Variants in MDFIC observed in about 807,000 individuals in gnomAD.
MDFIC encodes myoD family inhibitor domain-containing protein.
A neutral mutation model predicts 23.2 loss-of-function variants in MDFIC; 17 were observed. The ratio of observed to expected loss-of-function variants is 0.73; its 90% CI spans 0.50 to 1.10. The LOEUF (loss-of-function observed/expected upper bound fraction) is 1.10, where lower values mean the gene tolerates loss of function less well. Among genes scored for constraint, MDFIC ranks in the 50% least tolerant of loss-of-function variants. The probability of loss-of-function intolerance (pLI) is 0.00; values close to 1 mark genes in which losing one functional copy is unlikely to be tolerated. For synonymous variants in MDFIC, 120 were observed against 115.2 expected (o/e 1.04, Z -0.27); for missense variants, 356 against 316.6 (o/e 1.12, Z -0.95).
intron 3 of MDFIC, among the ~76,000 whole-genome samples, chr7:114,966,168 T>C (rs536549334): frequency 2.6e-5 from 4 of 152,278 alleles, no homozygotes; most frequent in African/African-American, 9.6e-5. Context: ...ATTTAGAAAA[T>C]AAATTTAGTT....
Position 115,017,059 on chromosome 7 carries a change from C to T in MDFIC, c.*1124C>T, listed in dbSNP as rs1419066431. On this transcript the variant is annotated 3_prime_UTR_variant, in exon 5 of 5. Coordinates refer to ENST00000393486, the MANE Select transcript of MDFIC (RefSeq NM_001166345.3). ...TCTCTTAGAATGAGTGATTCACCTG[C>T]TATTTAAATGAATTATTTAGATTTT... is the stretch of plus-strand genomic sequence containing the variant. 1.3e-5 allele frequency: 2 copies of T among 152,204 alleles called. No individual in the cohort carries two copies. Among genetic ancestry groups the T allele is most frequent in the Non-Finnish European group, 2.9e-5 (2 of 68,042 alleles). The allele number at this position is 152,204 out of a possible 1,614,324, so 9.4% of individuals were successfully genotyped here.
chr7:114,970,340 G>A (rs1243693851), intron 3 of MDFIC, among the ~76,000 whole-genome samples: 3 of 152,074 alleles, frequency 2.0e-5, no homozygotes, highest in Non-Finnish European at 4.4e-5. Flanking sequence ...GCTAGGCTGG[G>A]GATGTTTCTA....
At chr7:114,966,812 G>A (rs1323985137) in intron 3 of MDFIC, among the ~76,000 whole-genome samples, 1 of 152,160 alleles carries the variant, frequency 6.6e-6, no homozygotes, top group Non-Finnish European at 1.5e-5. Context: ...GGCCCGTAGA[G>A]CATATGTAGA....
chr7:114,942,473 G>T, intron 3 of MDFIC, 76 bp downstream of exon 3: 8 of 1,145,970 alleles, frequency 7.0e-6, no homozygotes, highest in East Asian at 2.8e-5. Context: ...AATTGCCCCA[G>T]ATAATTCTGC....
At chr7:114,952,115 T>C (rs1792790282) in intron 3 of MDFIC, among the ~76,000 whole-genome samples, 1 of 152,230 alleles carries the variant, frequency 6.6e-6, no homozygotes, top group African/African-American at 2.4e-5. Flanking sequence ...ATTTTTATAA[T>C]TGTTTTATCA....
chr7:114,938,428 A>G (rs1269033396), intron 2 of MDFIC, among the ~76,000 whole-genome samples: 1 of 152,182 alleles, frequency 6.6e-6, no homozygotes, highest in African/African-American at 2.4e-5. Context: ...TTTTAAATAT[A>G]AATAGTTGTG....
intron 3 of MDFIC, among the ~76,000 whole-genome samples, chr7:114,955,644 G>T (rs1330172418): frequency 6.6e-6 from 1 of 152,174 alleles, no homozygotes; most frequent in Non-Finnish European, 1.5e-5. Flanking sequence ...TTGAATAAAT[G>T]AAAGTCTTTA....
At chr7:114,972,751 C>T (rs1485278500) in intron 3 of MDFIC, among the ~76,000 whole-genome samples, 2 of 152,066 alleles carry the variant, frequency 1.3e-5, no homozygotes, top group Admixed American at 1.3e-4. Flanking sequence ...ACTGTAGCCT[C>T]CCGTGTACAG....
At chr7:114,964,934 A>G (rs892500134) in intron 3 of MDFIC, among the ~76,000 whole-genome samples, 3 of 152,304 alleles carry the variant, frequency 2.0e-5, no homozygotes, top group East Asian at 3.9e-4. Flanking sequence ...TCCATGTGTC[A>G]TTTAATAAAT....
chr7:114,982,810 G>A (rs1181113931), intron 4 of MDFIC, among the ~76,000 whole-genome samples: 1 of 152,210 alleles, frequency 6.6e-6, no homozygotes, highest in African/African-American at 2.4e-5. Context: ...GGCAGGTTAG[G>A]TTGTCTGGAG....
intron 2 of MDFIC, among the ~76,000 whole-genome samples, chr7:114,932,578 A>G (rs1423004902): frequency 6.6e-6 from 1 of 152,190 alleles, no homozygotes. Context: ...GTAGCTCAAG[A>G]TAGGTGTCAG....
intron 4 of MDFIC, chr7:115,014,671 A>G (rs986771000): frequency 2.0e-6 from 1 of 509,244 alleles, no homozygotes; most frequent in Non-Finnish European, 2.9e-6. Flanking sequence ...TCTGGTAAAA[A>G]TTCACAACTA....
Position 114,923,681 on chromosome 7 carries a change from C to T in MDFIC, c.94+554C>T, listed in dbSNP as rs562763688. 1.2e-5 allele frequency: 17 copies of T among 1,403,018 alleles called. No homozygotes were observed. In the Admixed American group the frequency reaches 4.2e-4, roughly 34 times the overall value. The allele number at this position is 1,403,018 out of a possible 1,614,324, so 86.9% of individuals were successfully genotyped here. A position where few individuals can be genotyped will look rare whatever the true frequency, so the allele number is the denominator to read the frequency against. ...ACACTTTCCAAGAATGAATTAGCTT[C>T]TTTGTGTTCTTCCAAAGTGTAAACA... is the stretch of plus-strand genomic sequence containing the variant. On this transcript the variant is annotated intron_variant, in intron 2 of 4. Transcript: ENST00000393486.
At chr7:114,967,642 C>T (rs963029056) in intron 3 of MDFIC, among the ~76,000 whole-genome samples, 1 of 151,668 alleles carries the variant, frequency 6.6e-6, no homozygotes, top group Admixed American at 6.6e-5. Flanking sequence ...TTGTAATATC[C>T]CTTATTCCAA....
chr7:115,010,263 G>GAACTATAACT (rs1160527012), intron 4 of MDFIC, among the ~76,000 whole-genome samples: 1 of 151,982 alleles, frequency 6.6e-6, no homozygotes, highest in African/African-American at 2.4e-5. Context: ...GTAGGAATAG[G>GAACTATAACT]AACTATAACT....
intron 3 of MDFIC, among the ~76,000 whole-genome samples, chr7:114,950,747 A>G (rs150583347): frequency 2.0e-5 from 3 of 152,216 alleles, no homozygotes; most frequent in African/African-American, 7.2e-5. Flanking sequence ...AAAAGGCTGC[A>G]TAAAAATTGC....
chr7:114,972,236 A>G (rs185152750), intron 3 of MDFIC, among the ~76,000 whole-genome samples: 22 of 152,266 alleles, frequency 1.4e-4, no homozygotes, highest in African/African-American at 5.3e-4. Context: ...TTCAAAATCT[A>G]CAGGCTTACC....
chr7:114,948,023 C>T (rs1442315351), intron 3 of MDFIC, among the ~76,000 whole-genome samples: 1 of 152,144 alleles, frequency 6.6e-6, no homozygotes. Flanking sequence ...TCATGTCTTT[C>T]TGAGACCTTT....
chr7:114,995,749 G>GC (rs1791311364), intron 4 of MDFIC, among the ~76,000 whole-genome samples: 1 of 152,212 alleles, frequency 6.6e-6, no homozygotes, highest in South Asian at 2.1e-4. Context: ...GTGTCAGTCT[G>GC]CCCCTACTGG....
Sources: allele counts gnomAD v4.1 joint callset (sites outside exome capture counted in the v4.1 genomes callset), GRCh38; gene constraint gnomAD v4.1.1; transcripts MANE v1.5; gene names NCBI Gene and HGNC (gene_info 2026-07-23, HGNC 2026-07-21).